Variants in CTBP2 observed in about 807,000 individuals in gnomAD.
The protein encoded by CTBP2 is C-terminal-binding protein 2.
In CTBP2, 30 loss-of-function variants were observed where a neutral mutation model predicts 80.3. The ratio of observed to expected loss-of-function variants is 0.37; its 90% CI spans 0.28 to 0.51. The LOEUF (loss-of-function observed/expected upper bound fraction) is 0.51, where lower values mean the gene tolerates loss of function less well. CTBP2 is among the 20% of genes least tolerant of loss of function. CTBP2 has a pLI of 0.93. For synonymous variants in CTBP2, 594 were observed against 587.4 expected, an observed-to-expected ratio of 1.01 and a Z score of -0.16; for missense variants, 1,212 against 1,375.3, an observed-to-expected ratio of 0.88 and a Z score of 1.88.
intron 4 of CTBP2, chr10:124,996,878 G>A (rs1006898444): frequency 5.9e-4 from 90 of 152,378 alleles, no homozygotes; most frequent in African/African-American, 2.0e-3. Context: ...GGTCCTTTCA[G>A]AAGATCCCCA....
At chr10:125,103,426 C>T (rs934587518) in intron 2 of CTBP2, among the ~76,000 whole-genome samples, 1 of 152,220 alleles carries the variant, frequency 6.6e-6, no homozygotes, top group African/African-American at 2.4e-5. Flanking sequence ...CAGAGTCCTG[C>T]TCCTTGGTCC....
Position 124,994,681 on chromosome 10 carries a change from G to A in CTBP2, c.2188C>T (p.Arg730Cys), listed in dbSNP as rs370393228. Residue 730 changes from arginine to cysteine, a missense_variant and splice_region_variant, in exon 5 of 9, where the codon CGC (arginine) becomes TGC (cysteine). This residue lies in a region of CTBP2 where 335 missense variants were observed against 504.7 expected (regional missense o/e 0.66). Transcript: ENST00000309035. Reference sequence around the variant, plus strand: ...CGAACTGCAACCGCCTGCCCCGTGCGACCTGTACAGAAACAGAGCGTCCAG... The same window carrying A: ...CGAACTGCAACCGCCTGCCCCGTGCAACCTGTACAGAAACAGAGCGTCCAG... 30 of 1,614,060 alleles carry A rather than the reference G, an allele frequency of 1.9e-5. No individual in the cohort carries two copies. Among genetic ancestry groups the A allele is most frequent in the East Asian group, 4.5e-5 (2 of 44,884 alleles).
intron 2 of CTBP2, among the ~76,000 whole-genome samples, chr10:125,092,805 G>C (rs1458615192): frequency 2.6e-5 from 4 of 151,920 alleles, no homozygotes; most frequent in African/African-American, 9.7e-5. Context: ...ACGTTTAGGA[G>C]CAACGACTTC....
chr10:125,045,487 T>TA (rs1216409325), intron 2 of CTBP2, among the ~76,000 whole-genome samples: 1 of 151,774 alleles, frequency 6.6e-6, no homozygotes, highest in East Asian at 1.9e-4. Flanking sequence ...AGGGCCCCCA[T>TA]ACCATGCCCT....
intron 2 of CTBP2, among the ~76,000 whole-genome samples, chr10:125,090,392 G>A (rs1207409643): frequency 6.8e-6 from 1 of 146,214 alleles, no homozygotes; most frequent in Non-Finnish European, 1.5e-5. Flanking sequence ...CTGAATTACA[G>A]ACTTAAGATA....
chr10:125,137,136 C>T lies in CTBP2; in HGVS notation c.-206+23183G>A, dbSNP rs527739350. Among the ~76,000 whole-genome samples, 4 of 152,326 alleles carry T rather than the reference C, an allele frequency of 2.6e-5. 1 individual carries two copies. The highest frequency in any genetic ancestry group is 3.9e-4 in the East Asian group (2 of 5,186). ...CATCTGTATCAACAAAATCACAATT[C>T]GCCAAGATACTGAAAGCACCAACAA... On this transcript the variant is annotated intron_variant, in intron 1 of 10. Transcript: ENST00000337195.
At chr10:125,009,181 A>C (rs1955586885) in intron 1 of CTBP2, among the ~76,000 whole-genome samples, 1 of 151,982 alleles carries the variant, frequency 6.6e-6, no homozygotes, top group African/African-American at 2.4e-5. Flanking sequence ...AGAAAGTAAA[A>C]ATGGCCTTAC....
chr10:125,002,461 C>T (rs1277482124), intron 3 of CTBP2, among the ~76,000 whole-genome samples: 1 of 152,236 alleles, frequency 6.6e-6, no homozygotes, highest in Non-Finnish European at 1.5e-5. Flanking sequence ...GGCAGGGGCC[C>T]ACCTGCTTTG....
intron 2 of CTBP2, among the ~76,000 whole-genome samples, chr10:125,068,776 T>C (rs943881072): frequency 6.6e-6 from 1 of 152,128 alleles, no homozygotes; most frequent in African/African-American, 2.4e-5. Flanking sequence ...GTGGGAGTCT[T>C]GAGACCAGCA....
At chr10:125,090,912 T>G (rs1488012602) in intron 2 of CTBP2, among the ~76,000 whole-genome samples, 3 of 152,144 alleles carry the variant, frequency 2.0e-5, no homozygotes. Flanking sequence ...CTTTACAAGC[T>G]TATAAAACAG....
rs186142501 is a variant in CTBP2, at chr10:125,058,248, T to C, written c.-101-19093A>G. On this transcript the variant is annotated intron_variant, in intron 2 of 10. Transcript: ENST00000337195. ...GCGCCCTCCCCAAAGTCACCCACTA[T>C]AAAGAATACAGGCACCAGAAAACTC... Among the ~76,000 whole-genome samples, 306 of 152,118 alleles carry C rather than the reference T, an allele frequency of 2.0e-3. 2 individuals carry two copies. The highest frequency in any genetic ancestry group is 1.9e-4 in the Non-Finnish European group (13 of 68,000).
chr10:125,159,715 C>A (rs1341323746), intron 1 of CTBP2: 5 of 149,358 alleles, frequency 3.3e-5, no homozygotes, highest in Non-Finnish European at 6.0e-5. Context: ...TCCGCGCCCC[C>A]CCCACCCTCG....
At chr10:125,137,977 T>G (rs546292872) in intron 1 of CTBP2, 22 of 152,382 alleles carry the variant, frequency 1.4e-4, no homozygotes, top group Admixed American at 1.4e-3. Flanking sequence ...TGCACCCTCA[T>G]AGCCAGCCAC....
Position 125,066,901 on chromosome 10 carries a change from GCAGTCTTCC to G in CTBP2, c.-101-27755_-101-27747del, listed in dbSNP as rs1270758305. Among the ~76,000 whole-genome samples the G allele has an allele frequency of 6.6e-6, 1 of 152,132 alleles. No homozygotes were observed. Among genetic ancestry groups the G allele is most frequent in the East Asian group, 1.9e-4 (1 of 5,202 alleles). On this transcript the variant is annotated intron_variant, in intron 2 of 10. Transcript: ENST00000337195. The surrounding 1 kb of genome is among the most constrained non-coding windows in gnomAD (Gnocchi z 4.1). ...ACGTGCCTCTTCCTATCTCCCCTGG[GCAGTCTTCC>G]CAGCTCCATGGAAAAGTCTTTGGTC...
chr10:125,086,555 C>T (rs952443816), intron 2 of CTBP2, among the ~76,000 whole-genome samples: 9 of 140,132 alleles, frequency 6.4e-5, no homozygotes, highest in Non-Finnish European at 4.5e-5. Context: ...GTGGAGGTTG[C>T]GGTGAGCCGA....
At position 124,986,746 on chromosome 10, in the gene CTBP2, T is replaced by C. The variant is rs1290473098; in HGVS notation, c.*2772A>G. On this transcript the variant is annotated 3_prime_UTR_variant, in exon 9 of 9. Transcript: ENST00000309035. ...CTTAGCATCTGTAGTAATTTCTCTATGTATAGGGATAATTTTTTAGTGGGC... is the reference window on the plus strand; with the variant it reads ...CTTAGCATCTGTAGTAATTTCTCTACGTATAGGGATAATTTTTTAGTGGGC... The C allele has an allele frequency of 1.3e-5, 2 of 152,202 alleles. No individual in the cohort carries two copies. The highest frequency in any genetic ancestry group is 6.5e-5 in the Admixed American group (1 of 15,280). 9.4% of individuals were successfully genotyped at this position (152,202 alleles called of 1,614,324 possible). A position where few individuals can be genotyped will look rare whatever the true frequency, so the allele number is the denominator to read the frequency against.
At chr10:125,142,994 G>C (rs565228497) in intron 1 of CTBP2, among the ~76,000 whole-genome samples, 2 of 152,234 alleles carry the variant, frequency 1.3e-5, no homozygotes, top group African/African-American at 4.8e-5. Context: ...TTTACCCTCA[G>C]CACACCCCCT....
intron 1 of CTBP2, among the ~76,000 whole-genome samples, chr10:125,143,087 T>C (rs955667788): frequency 1.3e-5 from 2 of 152,134 alleles, no homozygotes. Flanking sequence ...GAACTCCAGA[T>C]AAACCCTCCT....
chr10:125,103,426 C>G (rs934587518), intron 2 of CTBP2, among the ~76,000 whole-genome samples: 2 of 152,220 alleles, frequency 1.3e-5, no homozygotes, highest in Non-Finnish European at 2.9e-5. Context: ...CAGAGTCCTG[C>G]TCCTTGGTCC....
Sources: gnomAD v4.1 joint callset for allele counts (sites outside exome capture counted in the v4.1 genomes callset) on GRCh38, gnomAD v4.1.1 for gene constraint, gnomAD v4.1.1 regional missense constraint, Gnocchi (gnomAD v3.1) non-coding constraint, MANE v1.5 for transcripts, NCBI Gene and HGNC (gene_info 2026-07-23, HGNC 2026-07-21) for gene names.